The following PPEF1 variants were observed in gnomAD, a reference collection of about 807,000 sequenced individuals.
The protein encoded by PPEF1 is serine/threonine-protein phosphatase with EF-hands 1.
Under a neutral mutation model 53.3 loss-of-function variants are expected in PPEF1, and 12 were observed. The ratio of observed to expected loss-of-function variants is 0.23; its 90% CI spans 0.14 to 0.36. The LOEUF is 0.36. Among genes scored for constraint, PPEF1 ranks in the 10% least tolerant of loss-of-function variants. PPEF1 has a pLI of 1.00. For synonymous variants in PPEF1, 165 were observed against 176.7 expected, an observed-to-expected ratio of 0.93 and a Z score of 0.52; for missense variants, 334 against 490.4, an observed-to-expected ratio of 0.68 and a Z score of 3.01.
At chrX:18,800,255 A>G (rs1176713886) in intron 10 of PPEF1, among the ~76,000 whole-genome samples, 1 of 111,214 alleles carries the variant, frequency 9.0e-6, no homozygotes, top group Non-Finnish European at 1.9e-5. Context: ...ATTATTGTAT[A>G]TGGCAAAAAA....
intron 4 of PPEF1, among the ~76,000 whole-genome samples, chrX:18,752,990 G>T: frequency 9.0e-6 from 1 of 111,461 alleles, no homozygotes; most frequent in South Asian, 3.7e-4. Context: ...GCCTGGCTTT[G>T]GTATCAGGGT....
intron 12 of PPEF1, among the ~76,000 whole-genome samples, chrX:18,817,245 C>A (rs2046938756): frequency 9.0e-6 from 1 of 111,147 alleles, no homozygotes; most frequent in Non-Finnish European, 1.9e-5. Context: ...AGGTTGTTAG[C>A]TAACTATCCT....
intron 1 of PPEF1, 79 bp from the exon 2 acceptor site, chrX:18,730,102 T>C: frequency 9.7e-7 from 1 of 1,028,571 alleles, no homozygotes; most frequent in Non-Finnish European, 1.3e-6. Flanking sequence ...TGCTTTTTTT[T>C]TCCACTGAAG....
intron 5 of PPEF1, among the ~76,000 whole-genome samples, chrX:18,760,141 G>A (rs903714260): frequency 9.1e-6 from 1 of 110,347 alleles, no homozygotes; most frequent in African/African-American, 3.3e-5. Context: ...TGCACGCCAC[G>A]ACACCTGGCT....
intron 3 of PPEF1, among the ~76,000 whole-genome samples, chrX:18,690,088 T>C (rs1418908647): frequency 8.9e-6 from 1 of 111,854 alleles, no homozygotes; most frequent in Non-Finnish European, 1.9e-5. Flanking sequence ...TGTTTACTTC[T>C]CCTACTAGCC....
chrX:18,821,824 G>A (rs1387877607), intron 13 of PPEF1, among the ~76,000 whole-genome samples: 1 of 109,228 alleles, frequency 9.2e-6, no homozygotes, highest in Non-Finnish European at 1.9e-5. Context: ...ACCAGTGCAA[G>A]TGTAGGGAGG....
chrX:18,722,863 C>T (rs1013200974), intron 1 of PPEF1, among the ~76,000 whole-genome samples: 1 of 111,561 alleles, frequency 9.0e-6, no homozygotes, highest in Non-Finnish European at 1.9e-5. Context: ...AAAGGCCTCC[C>T]GCAAAGGTGA....
chrX:18,679,056 C>G (rs754992055), upstream of PPEF1, among the ~76,000 whole-genome samples: 15 of 111,775 alleles, frequency 1.3e-4, no homozygotes, highest in Non-Finnish European at 2.8e-4. Flanking sequence ...ATCTCTGCCC[C>G]TAAATCCGCT....
intron 6 of PPEF1, among the ~76,000 whole-genome samples, chrX:18,773,207 C>G (rs986441539): frequency 8.9e-6 from 1 of 112,229 alleles, no homozygotes; most frequent in African/African-American, 3.2e-5. Context: ...TTTCTTCTTG[C>G]ATTTAGTAGT....
At chrX:18,751,463 T>C (rs2045442450) in intron 4 of PPEF1, among the ~76,000 whole-genome samples, 1 of 112,116 alleles carries the variant, frequency 8.9e-6, no homozygotes, top group African/African-American at 3.2e-5. Context: ...CCCCATTGAG[T>C]GGTCTTTGCA....
At chrX:18,712,216 G>C (rs73458637) in intron 1 of PPEF1, among the ~76,000 whole-genome samples, 8,030 of 111,621 alleles carry the variant, frequency 0.072, 702 homozygotes, top group African/African-American at 0.24. Context: ...GGAATGTTGA[G>C]AGGGGTTGTG....
intron 9 of PPEF1, among the ~76,000 whole-genome samples, chrX:18,785,737 C>A (rs1052884599): frequency 9.0e-6 from 1 of 110,513 alleles, no homozygotes; most frequent in Non-Finnish European, 1.9e-5. Flanking sequence ...AAAAAATTAG[C>A]CAGGTGTGGT....
At position 18,775,004 on chromosome X, in the gene PPEF1, T is replaced by C. The variant is rs781494634; in HGVS notation, c.559-4006T>C. ...TTTGTAATTATTGCCTCTTCATCTG[T>C]TCCTTTTTCCTGATTTTGAAATGCT... On this transcript the variant is annotated intron_variant, in intron 6 of 15. Coordinates refer to ENST00000470157, the MANE Select transcript of PPEF1 (RefSeq NM_001377996.1). Among the ~76,000 whole-genome samples, 5 of 110,698 alleles carry C rather than the reference T, an allele frequency of 4.5e-5. No homozygotes were observed. The South Asian group carries it at 1.9e-3, about 42-fold the overall frequency.
intron 3 of PPEF1, among the ~76,000 whole-genome samples, chrX:18,748,880 T>C (rs1189229433): frequency 8.9e-6 from 1 of 112,037 alleles, no homozygotes; most frequent in Admixed American, 9.5e-5. Context: ...TCACATTCTT[T>C]AGGCCAGTAC....
At chrX:18,756,700 C>G (rs1272756647) in intron 4 of PPEF1, among the ~76,000 whole-genome samples, 1 of 111,865 alleles carries the variant, frequency 8.9e-6, no homozygotes, top group Non-Finnish European at 1.9e-5. Context: ...CTAGTATGAC[C>G]AAAATGATTT....
chrX:18,796,365 A>G (rs2046433623), intron 10 of PPEF1, among the ~76,000 whole-genome samples: 1 of 112,702 alleles, frequency 8.9e-6, no homozygotes, highest in Admixed American at 9.4e-5. Context: ...AAATAAAATT[A>G]TTGGATATGG....
At chrX:18,702,545 A>G (rs1281891672) in intron 6 of PPEF1, among the ~76,000 whole-genome samples, 1 of 107,718 alleles carries the variant, frequency 9.3e-6, no homozygotes. Flanking sequence ...AAGAATGAAC[A>G]AGAACAACTC....
intron 3 of PPEF1, among the ~76,000 whole-genome samples, chrX:18,739,115 G>A (rs967343505): frequency 1.6e-4 from 18 of 112,315 alleles, no homozygotes; most frequent in Non-Finnish European, 3.0e-4. Flanking sequence ...CCGATCATCC[G>A]AGGCCTACGG....
At chrX:18,783,585 G>GC (rs2046138588) in intron 8 of PPEF1, among the ~76,000 whole-genome samples, 2 of 110,825 alleles carry the variant, frequency 1.8e-5, no homozygotes, top group Non-Finnish European at 1.9e-5. Flanking sequence ...AGTCGTGGTG[G>GC]CACACGCCTT....
Sources: allele counts gnomAD v4.1 joint callset (sites outside exome capture counted in the v4.1 genomes callset), GRCh38; gene constraint gnomAD v4.1.1; transcripts MANE v1.5; gene names NCBI Gene and HGNC (gene_info 2026-07-23, HGNC 2026-07-21).